The following TENM2 variants were observed in gnomAD, a reference collection of about 807,000 sequenced individuals.
TENM2 encodes teneurin-2.
TENM2 carries 52 observed loss-of-function variants against 245.2 expected under a neutral mutation model. That is an observed-to-expected ratio of 0.21 (90% confidence interval 0.17 to 0.27). The LOEUF is 0.27. Ranked by LOEUF, TENM2 falls within the 10% of genes least tolerant of loss-of-function variation. The pLI, the probability that TENM2 is intolerant of heterozygous loss-of-function variation, is 1.00. For missense variants in TENM2, 3,046 were observed against 3,666.8 expected (o/e 0.83, Z 4.37); for synonymous variants, 1,363 against 1,438.9 (o/e 0.95, Z 1.19).
rs1037146018 is a variant in TENM2, at chr5:167,568,396, A to G, written c.502+192923A>G. ...AATAGATGAATGTAGGCAAAATTGA[A>G]TGGCTCATTCATGTATCAGACCCAC... On this transcript the variant is annotated intron_variant, in intron 2 of 28. Coordinates refer to ENST00000518659, the Ensembl canonical transcript of TENM2. Among the ~76,000 whole-genome samples, 5 of 152,244 alleles carry G rather than the reference A, an allele frequency of 3.3e-5. 1 individual carries two copies. The highest frequency in any genetic ancestry group is 1.2e-4 in the African/African-American group (5 of 41,548).
chr5:167,226,315 C>T, the TENM2 span, among the ~76,000 whole-genome samples: 32,195 of 151,658 alleles, frequency 0.21, 4,095 homozygotes, highest in African/African-American at 0.36. Flanking sequence ...AATTCTTTTG[C>T]CCTAACCCAC....
At chr5:168,262,420 C>A in exon 29 of TENM2, 1 of 1,581,362 alleles carries the variant, frequency 6.3e-7, no homozygotes, top group Non-Finnish European at 8.6e-7. Context: ...TGCTAGAGAG[C>A]GGGGTGAACG....
chr5:167,200,227 G>A, the TENM2 span, among the ~76,000 whole-genome samples: 2 of 152,070 alleles, frequency 1.3e-5, no homozygotes, highest in Admixed American at 6.6e-5. Flanking sequence ...ATTAAGTTTG[G>A]TTGTTGGTTT....
Position 167,456,296 on chromosome 5 carries a change from T to A in TENM2, c.502+80823T>A, listed in dbSNP as rs543375409. Among the ~76,000 whole-genome samples, 3 of 152,304 alleles carry A rather than the reference T, an allele frequency of 2.0e-5. No individual in the cohort carries two copies. In the South Asian group the frequency reaches 6.2e-4, roughly 32 times the overall value. ...AAGAGGAGAACTTAATATTTTACAT[T>A]ACTTAATTTTATTCCATAGGTAGTT... On this transcript the variant is annotated intron_variant, in intron 2 of 28. Coordinates refer to ENST00000518659, the Ensembl canonical transcript of TENM2.
Position 167,495,088 on chromosome 5 carries a change from G to GAGAAGGCCTC in TENM2, c.502+119617_502+119626dup, listed in dbSNP as rs564825882. Among the ~76,000 whole-genome samples the GAGAAGGCCTC allele has an allele frequency of 5.3e-5, 8 of 152,078 alleles. No individual in the cohort carries two copies. The East Asian group carries it at 1.4e-3, about 26-fold the overall frequency. On this transcript the variant is annotated intron_variant, in intron 2 of 28. Coordinates refer to ENST00000518659, the Ensembl canonical transcript of TENM2. ...AAAATGAACACCACACACATTTGTG[G>GAGAAGGCCTC]AGAAGGCCTCAAGATCAAAATTTGC...
intron 3 of TENM2, among the ~76,000 whole-genome samples, chr5:167,909,926 T>C (rs900895808): frequency 1.3e-5 from 2 of 148,624 alleles, no homozygotes; most frequent in East Asian, 1.9e-4. Flanking sequence ...TTTTTTTTTT[T>C]CCAGCATAAA....
intron 3 of TENM2, among the ~76,000 whole-genome samples, chr5:167,939,271 G>A (rs908472292): frequency 3.3e-5 from 5 of 152,110 alleles, no homozygotes; most frequent in South Asian, 2.1e-4. Flanking sequence ...CATAAGGAGC[G>A]TGCAACCTAG....
the TENM2 span, chr5:167,119,708 G>A: frequency 6.6e-6 from 1 of 152,196 alleles, no homozygotes; most frequent in South Asian, 2.1e-4. Flanking sequence ...TCATCACATT[G>A]TCTATTATTT....
At chr5:167,420,272 A>G (rs1763424464) in intron 2 of TENM2, among the ~76,000 whole-genome samples, 1 of 152,212 alleles carries the variant, frequency 6.6e-6, no homozygotes, top group Non-Finnish European at 1.5e-5. Context: ...CAGTTCTCAA[A>G]AACAATCTGA....
chr5:167,823,572 G>T (rs900658540), intron 2 of TENM2, among the ~76,000 whole-genome samples: 1 of 152,118 alleles, frequency 6.6e-6, no homozygotes, highest in Admixed American at 6.5e-5. Context: ...ACAGGAGTGC[G>T]AATGGCTCTC....
At chr5:168,258,952 G>A (rs1767937192) in intron 27 of TENM2, among the ~76,000 whole-genome samples, 1 of 152,032 alleles carries the variant, frequency 6.6e-6, no homozygotes, top group Non-Finnish European at 1.5e-5. Flanking sequence ...GGAGGCCAAG[G>A]TGGAAGGATC....
chr5:167,325,197 A>T (rs1019085049), intron 1 of TENM2, among the ~76,000 whole-genome samples: 5 of 152,248 alleles, frequency 3.3e-5, no homozygotes, highest in East Asian at 1.9e-4. Flanking sequence ...ATTATGGCAG[A>T]TAAATTCTGG....
At chr5:167,683,907 A>G (rs1287815045) in intron 2 of TENM2, among the ~76,000 whole-genome samples, 3 of 152,190 alleles carry the variant, frequency 2.0e-5, no homozygotes, top group African/African-American at 4.8e-5. Context: ...TAGTACTTGC[A>G]TAAAAGGAAT....
chr5:167,819,863 C>T (rs911711214), intron 2 of TENM2, among the ~76,000 whole-genome samples: 3 of 152,138 alleles, frequency 2.0e-5, no homozygotes, highest in Admixed American at 2.0e-4. Flanking sequence ...CACCAAGGAG[C>T]ATTTGTGGAG....
chr5:168,209,362 G>A (rs1479251803), intron 19 of TENM2, among the ~76,000 whole-genome samples: 1 of 152,126 alleles, frequency 6.6e-6, no homozygotes, highest in East Asian at 1.9e-4. Flanking sequence ...TTCTACATGG[G>A]GACTTTTACT....
chr5:167,258,215 G>GTATATATATATGTGTATATA, the TENM2 span, among the ~76,000 whole-genome samples: 2 of 122,890 alleles, frequency 1.6e-5, no homozygotes, highest in African/African-American at 6.2e-5. Flanking sequence ...ATATATATAT[G>GTATATATATATGTGTATATA]TATATATATA....
intron 5 of TENM2, among the ~76,000 whole-genome samples, chr5:168,023,034 G>A (rs554908722): frequency 6.6e-6 from 1 of 152,126 alleles, no homozygotes; most frequent in Non-Finnish European, 1.5e-5. Flanking sequence ...ACCACAGCTC[G>A]GGCAGGAGGG....
intron 5 of TENM2, among the ~76,000 whole-genome samples, chr5:168,037,951 G>T (rs1374350973): frequency 6.6e-6 from 1 of 152,198 alleles, no homozygotes; most frequent in Non-Finnish European, 1.5e-5. Context: ...AACCACAGAG[G>T]TTTCTCTGAA....
At chr5:167,563,615 C>T (rs139384401) in intron 2 of TENM2, among the ~76,000 whole-genome samples, 5 of 152,226 alleles carry the variant, frequency 3.3e-5, no homozygotes, top group East Asian at 1.9e-4. Flanking sequence ...TTAGCAAATA[C>T]GGTAATGCAC....
Sources: allele counts gnomAD v4.1 joint callset (sites outside exome capture counted in the v4.1 genomes callset), GRCh38; gene constraint gnomAD v4.1.1; transcripts MANE v1.5; gene names NCBI Gene and HGNC (gene_info 2026-07-23, HGNC 2026-07-21).